Variants in MAF observed in about 807,000 individuals in gnomAD.
MAF encodes transcription factor Maf.
In MAF, 10 loss-of-function variants were observed where a neutral mutation model predicts 22.0. The observed-to-expected ratio is 0.45, with a 90% confidence interval of 0.28 to 0.77. The LOEUF is 0.77. Ranked by LOEUF, MAF falls within the 30% of genes least tolerant of loss-of-function variation. The pLI is 0.12. For synonymous variants in MAF, 337 were observed against 255.8 expected, an observed-to-expected ratio of 1.32 and a Z score of -3.03; for missense variants, 544 against 548.4, an observed-to-expected ratio of 0.99 and a Z score of 0.08.
At chr16:79,284,743 T>C in the MAF span, among the ~76,000 whole-genome samples, 1 of 152,250 alleles carries the variant, frequency 6.6e-6, no homozygotes, top group African/African-American at 2.4e-5. Context: ...TTTTCAGGCA[T>C]GAACACTTTG....
chr16:79,446,855 G>T, the MAF span, among the ~76,000 whole-genome samples: 10 of 152,102 alleles, frequency 6.6e-5, no homozygotes, highest in Non-Finnish European at 1.2e-4. Context: ...TTGAAAGGTT[G>T]CAGTGAGCTA....
chr16:79,555,002 G>A, the MAF span, among the ~76,000 whole-genome samples: 1 of 152,166 alleles, frequency 6.6e-6, no homozygotes, highest in Non-Finnish European at 1.5e-5. Flanking sequence ...GTCTGGTGAA[G>A]AACTGGTGGG....
At chr16:79,208,813 A>T in the MAF span, among the ~76,000 whole-genome samples, 3 of 152,174 alleles carry the variant, frequency 2.0e-5, no homozygotes, top group Admixed American at 6.5e-5. Context: ...TTAAGATGTC[A>T]CTCAGAGGTT....
the MAF span, among the ~76,000 whole-genome samples, chr16:79,440,710 C>G: frequency 6.6e-6 from 1 of 152,200 alleles, no homozygotes; most frequent in African/African-American, 2.4e-5. Context: ...CACACTCAGC[C>G]AACCTCATCT....
intron 1 of MAF, among the ~76,000 whole-genome samples, chr16:79,587,210 A>G (rs948056128): frequency 2.0e-5 from 3 of 152,236 alleles, no homozygotes. Flanking sequence ...CATTTTGTAT[A>G]GAAATGCTTT....
At chr16:79,262,958 A>G in the MAF span, among the ~76,000 whole-genome samples, 8 of 152,360 alleles carry the variant, frequency 5.3e-5, no homozygotes, top group Middle Eastern at 3.4e-3. Context: ...ACAATCAGAT[A>G]CACATTTATC....
chr16:79,548,799 C>G, the MAF span, among the ~76,000 whole-genome samples: 7 of 152,028 alleles, frequency 4.6e-5, no homozygotes, highest in Non-Finnish European at 1.0e-4. Flanking sequence ...ACCCTGAGTC[C>G]CAGAGAGAGT....
intron 1 of MAF, chr16:79,597,762 G>C: frequency 5.9e-6 from 6 of 1,018,678 alleles, no homozygotes; most frequent in Non-Finnish European, 7.1e-6. Context: ...GAAAAAAAAA[G>C]GAAAAAATAA....
chr16:79,363,255 T>A, the MAF span, among the ~76,000 whole-genome samples: 1 of 152,182 alleles, frequency 6.6e-6, no homozygotes, highest in Non-Finnish European at 1.5e-5. Flanking sequence ...GGAGGAGATA[T>A]ATTAAAATAC....
the MAF span, among the ~76,000 whole-genome samples, chr16:79,226,871 T>C: frequency 6.6e-6 from 1 of 152,104 alleles, no homozygotes; most frequent in African/African-American, 2.4e-5. Flanking sequence ...ATAGCACGGC[T>C]GTGAGCTGAC....
the MAF span, among the ~76,000 whole-genome samples, chr16:79,293,193 G>GGATCAGGAT: frequency 1.3e-5 from 2 of 152,228 alleles, no homozygotes; most frequent in Admixed American, 1.3e-4. Context: ...CTTGGGGTCT[G>GGATCAGGAT]GATCAGGATT....
chr16:79,477,765 C>T, the MAF span, among the ~76,000 whole-genome samples: 2 of 151,926 alleles, frequency 1.3e-5, no homozygotes, highest in Non-Finnish European at 2.9e-5. Flanking sequence ...CGCTCTGTTG[C>T]CCAGGCTGGA....
chr16:79,552,458 G>A, the MAF span, among the ~76,000 whole-genome samples: 7 of 152,254 alleles, frequency 4.6e-5, no homozygotes, highest in South Asian at 2.1e-4. Context: ...ATCCTCCCAT[G>A]TCGGCCTTCC....
the MAF span, among the ~76,000 whole-genome samples, chr16:79,468,738 G>A: frequency 1.3e-5 from 2 of 152,260 alleles, no homozygotes; most frequent in South Asian, 2.1e-4. Flanking sequence ...GTAGAGGAAG[G>A]GGGTGGCTGA....
the MAF span, among the ~76,000 whole-genome samples, chr16:79,468,198 AG>A: frequency 6.6e-6 from 1 of 152,148 alleles, no homozygotes; most frequent in African/African-American, 2.4e-5. Flanking sequence ...ACTCACGAGA[AG>A]GTACAGGTGA....
At chr16:79,407,210 C>T in the MAF span, among the ~76,000 whole-genome samples, 1 of 152,138 alleles carries the variant, frequency 6.6e-6, no homozygotes, top group Non-Finnish European at 1.5e-5. Flanking sequence ...TTTTATTAAC[C>T]TCGGTGTCCT....
At chr16:79,399,093 T>C in the MAF span, among the ~76,000 whole-genome samples, 1 of 152,194 alleles carries the variant, frequency 6.6e-6, no homozygotes, top group African/African-American at 2.4e-5. Flanking sequence ...CAAATCCCTG[T>C]GACGTTGAGA....
chr16:79,463,560 T>C, the MAF span, among the ~76,000 whole-genome samples: 1 of 152,148 alleles, frequency 6.6e-6, no homozygotes, highest in Non-Finnish European at 1.5e-5. Flanking sequence ...TTTTGGAAAT[T>C]GGAAATGAGC....
the MAF span, among the ~76,000 whole-genome samples, chr16:79,569,704 T>C: frequency 1.3e-4 from 19 of 151,574 alleles, no homozygotes; most frequent in Middle Eastern, 3.2e-3. Flanking sequence ...GAAAAAATTA[T>C]TGATGCCTGG....
Sources: gnomAD v4.1 joint callset for allele counts (sites outside exome capture counted in the v4.1 genomes callset) on GRCh38, gnomAD v4.1.1 for gene constraint, MANE v1.5 for transcripts, NCBI Gene and HGNC (gene_info 2026-07-23, HGNC 2026-07-21) for gene names.